Variants in WDFY3 observed in about 807,000 individuals in gnomAD.
WDFY3 encodes the protein WD repeat and FYVE domain containing 3.
WDFY3 carries 66 observed loss-of-function variants against 409.6 expected under a neutral mutation model. The ratio of observed to expected loss-of-function variants is 0.16; its 90% CI spans 0.13 to 0.20. The LOEUF is 0.20. WDFY3 is among the 10% of genes least tolerant of loss of function. The probability of loss-of-function intolerance (pLI) is 1.00; values close to 1 mark genes in which losing one functional copy is unlikely to be tolerated. For missense variants in WDFY3, 3,031 were observed against 4,298.1 expected (o/e 0.71, Z 8.24); for synonymous variants, 1,521 against 1,537.1 (o/e 0.99, Z 0.25).
At chr4:84,736,441 T>C (rs1389852669) in intron 41 of WDFY3, 114 bp from the exon 42 acceptor site, 4 of 957,254 alleles carry the variant, frequency 4.2e-6, no homozygotes, top group Non-Finnish European at 5.7e-6. Context: ...AAGTAGCACA[T>C]ATTACAGATG....
At chr4:84,834,586 G>A (rs1177852697) in intron 7 of WDFY3, among the ~76,000 whole-genome samples, 1 of 152,092 alleles carries the variant, frequency 6.6e-6, no homozygotes, top group African/African-American at 2.4e-5. Flanking sequence ...AAGAGGCAGA[G>A]GTTGCAGTGA....
chr4:84,844,096 AAAG>A (rs1197301498), intron 5 of WDFY3, among the ~76,000 whole-genome samples: 1 of 152,230 alleles, frequency 6.6e-6, no homozygotes, highest in East Asian at 1.9e-4. Flanking sequence ...TTAAATAAGT[AAAG>A]AATGCGGACA....
chr4:84,871,275 G>A (rs1436891757), intron 3 of WDFY3, among the ~76,000 whole-genome samples: 3 of 152,072 alleles, frequency 2.0e-5, no homozygotes, highest in Admixed American at 6.5e-5. Context: ...AAGGAACAAG[G>A]ATAAAAATTA....
chr4:84,778,880 C>A (rs1746020876), intron 26 of WDFY3, among the ~76,000 whole-genome samples: 1 of 152,052 alleles, frequency 6.6e-6, no homozygotes, highest in Non-Finnish European at 1.5e-5. Flanking sequence ...GGGATCTTAA[C>A]ATTCTATTAA....
chr4:84,947,498 C>G (rs916547800), intron 1 of WDFY3, among the ~76,000 whole-genome samples: 1 of 143,178 alleles, frequency 7.0e-6, no homozygotes, highest in Non-Finnish European at 1.5e-5. Context: ...GGCAAAAGAG[C>G]GAGAATCCGT....
At chr4:84,927,399 AAC>A (rs1770141253) in intron 2 of WDFY3, among the ~76,000 whole-genome samples, 1 of 152,154 alleles carries the variant, frequency 6.6e-6, no homozygotes, top group African/African-American at 2.4e-5. Context: ...CACTTCCAGA[AAC>A]ACAACTATAC....
At chr4:84,691,874 T>C in intron 59 of WDFY3, 89 bp from the exon 60 acceptor site, 11 of 1,277,166 alleles carry the variant, frequency 8.6e-6, no homozygotes, top group Non-Finnish European at 1.2e-5. Flanking sequence ...AATATTCATA[T>C]AAATCAAGCA....
At chr4:84,900,646 T>C (rs1411303587) in intron 2 of WDFY3, among the ~76,000 whole-genome samples, 1 of 152,222 alleles carries the variant, frequency 6.6e-6, no homozygotes, top group Non-Finnish European at 1.5e-5. Context: ...ACTATTTTGA[T>C]GAAGACAGAT....
At position 84,923,975 on chromosome 4, in the gene WDFY3, C is replaced by T. The variant is rs114993654; in HGVS notation, c.-132+8295G>A. Among the ~76,000 whole-genome samples the T allele has an allele frequency of 4.6e-3, 698 of 152,184 alleles. 6 individuals are homozygous for T. Among genetic ancestry groups the T allele is most frequent in the African/African-American group, 0.016 (674 of 41,534 alleles). The stretch of plus-strand genomic sequence containing the variant: ...TGATTGTGAGTTATATATTATTTTC[C>T]CTAATGCCAAACTGCAAAAACTGTA... On this transcript the variant is annotated intron_variant, in intron 2 of 67. Transcript: ENST00000295888.
intron 11 of WDFY3, 30 bp downstream of exon 11, chr4:84,821,054 A>G: frequency 6.5e-7 from 1 of 1,536,866 alleles, no homozygotes; most frequent in Non-Finnish European, 8.7e-7. Flanking sequence ...CCCTTTTCAA[A>G]TAAAAATAAA....
At chr4:84,788,426 A>C (rs1044275390) in intron 22 of WDFY3, among the ~76,000 whole-genome samples, 1 of 152,220 alleles carries the variant, frequency 6.6e-6, no homozygotes, top group African/African-American at 2.4e-5. Context: ...TAAATAAATC[A>C]ATAATAAATT....
In WDFY3 at chr4:84,751,283, A is replaced by T. The variant is rs915913259; in HGVS notation, c.5973+200T>A. 10 of 611,634 alleles carry T rather than the reference A, an allele frequency of 1.6e-5. No homozygotes were observed. The East Asian group carries it at 2.3e-4, about 14-fold the overall frequency. 37.9% of individuals were successfully genotyped at this position (611,634 alleles called of 1,614,324 possible). On this transcript the variant is annotated intron_variant, in intron 36 of 67. Coordinates refer to ENST00000295888, the MANE Select transcript of WDFY3 (RefSeq NM_014991.6). The stretch of plus-strand genomic sequence containing the variant: ...GATGATAAAGGACTGAATTAGAGAC[A>T]TCCTTGAGGGAAGGAAAAGAACAAA...
chr4:84,800,740 A>C (rs1326465559), intron 17 of WDFY3, among the ~76,000 whole-genome samples: 2 of 152,152 alleles, frequency 1.3e-5, no homozygotes, highest in Non-Finnish European at 2.9e-5. Context: ...TCCACCTCAG[A>C]TCATCAGGTA....
chr4:84,821,536 T>G lies in WDFY3; in HGVS notation c.1139A>C (p.Asn380Thr). ...CTGAAGAACTGCAAAGGCCTGGACG[T>G]TTCTCACACTGTGACCTAGAACAGA... ...QPAGKGHSVR[N>T]VQAFAVLQNA... The change falls in exon 11 of 68, where the codon AAC becomes ACC. Residue 380 changes from asparagine (N) to threonine (T), a missense_variant. By Grantham distance (65) the Asn-to-Thr change is moderately conservative. Transcript: ENST00000295888. The G allele has an allele frequency of 6.2e-7, 1 of 1,612,356 alleles. No individual in the cohort carries two copies. Among genetic ancestry groups the G allele is most frequent in the Non-Finnish European group, 8.5e-7 (1 of 1,179,014 alleles).
intron 58 of WDFY3, among the ~76,000 whole-genome samples, chr4:84,695,706 C>G (rs1480318965): frequency 6.6e-6 from 1 of 152,110 alleles, no homozygotes; most frequent in East Asian, 1.9e-4. Context: ...TAAGGCCCCT[C>G]CTGTTACATC....
At chr4:84,743,661 G>A in intron 37 of WDFY3, 39 bp downstream of exon 37, 1 of 1,472,544 alleles carries the variant, frequency 6.8e-7, no homozygotes, top group Non-Finnish European at 9.1e-7. Flanking sequence ...AGAGGAAAGT[G>A]ATTATAGGTA....
intron 15 of WDFY3, among the ~76,000 whole-genome samples, chr4:84,805,021 G>T (rs993113169): frequency 6.6e-6 from 1 of 152,046 alleles, no homozygotes; most frequent in Non-Finnish European, 1.5e-5. Context: ...CCCACATGAC[G>T]CCATAAGTAG....
intron 5 of WDFY3, among the ~76,000 whole-genome samples, chr4:84,844,776 G>C (rs181972679): frequency 6.6e-6 from 1 of 152,322 alleles, no homozygotes. Flanking sequence ...AGCAGAATTA[G>C]AACTGGCTGA....
chr4:84,966,670 T>G lies in WDFY3; in HGVS notation c.-687A>C, dbSNP rs1205329745. On this transcript the variant is annotated 5_prime_UTR_variant, in exon 1 of 68. Coordinates refer to ENST00000295888, the MANE Select transcript of WDFY3 (RefSeq NM_014991.6). ...TAATCCTCCTCCTCCTCCTGCTTTC[T>G]CCACCTCCCGCTGGCTGTCTGACTG... The G allele has an allele frequency of 6.4e-6, 1 of 156,242 alleles. No individual in the cohort carries two copies. The highest frequency in any genetic ancestry group is 1.4e-5 in the Non-Finnish European group (1 of 69,740). 9.7% of individuals were successfully genotyped at this position (156,242 alleles called of 1,614,324 possible).
Sources: gnomAD v4.1 joint callset for allele counts (sites outside exome capture counted in the v4.1 genomes callset) on GRCh38, gnomAD v4.1.1 for gene constraint, MANE v1.5 for transcripts, NCBI Gene and HGNC (gene_info 2026-07-23, HGNC 2026-07-21) for gene names.